STK3: variants seen among roughly 807,000 people sequenced by gnomAD.
STK3 encodes the protein serine/threonine kinase 3.
STK3 carries 41 observed loss-of-function variants against 58.0 expected under a neutral mutation model. The observed-to-expected ratio is 0.71, with a 90% confidence interval of 0.55 to 0.92. The LOEUF is 0.92. STK3 is among the 40% of genes least tolerant of loss of function. The pLI, the probability that STK3 is intolerant of heterozygous loss-of-function variation, is 0.00. For synonymous variants in STK3, 170 were observed against 191.0 expected (o/e 0.89, Z 0.91); for missense variants, 479 against 602.7 (o/e 0.79, Z 2.15).
chr8:98,742,118 C>G (rs1829267395), intron 4 of STK3, among the ~76,000 whole-genome samples: 2 of 151,802 alleles, frequency 1.3e-5, no homozygotes, highest in African/African-American at 2.4e-5. Flanking sequence ...GAGTCCAGGA[C>G]CAGATGGATT....
intron 9 of STK3, among the ~76,000 whole-genome samples, chr8:98,527,820 G>A (rs957439358): frequency 7.2e-5 from 11 of 151,992 alleles, no homozygotes; most frequent in African/African-American, 1.7e-4. Flanking sequence ...CAGACTTTGC[G>A]CCTAAGTTCC....
intron 3 of STK3, among the ~76,000 whole-genome samples, chr8:98,759,503 A>G (rs1476967711): frequency 6.6e-6 from 1 of 152,178 alleles, no homozygotes; most frequent in Admixed American, 6.5e-5. Context: ...CATAACAGAT[A>G]TAATAATAAT....
chr8:98,384,732 C>T (rs530254647), intron 1 of STK3, among the ~76,000 whole-genome samples: 74 of 152,292 alleles, frequency 4.9e-4, no homozygotes, highest in Non-Finnish European at 9.6e-4. Flanking sequence ...TCAGGGTGCC[C>T]ACCCTCCTGC....
intron 1 of STK3, among the ~76,000 whole-genome samples, chr8:98,902,015 T>G (rs1156505711): frequency 1.3e-5 from 2 of 152,132 alleles, no homozygotes; most frequent in East Asian, 1.9e-4. Context: ...CCAGAAACAT[T>G]CCACACAATT....
intron 1 of STK3, among the ~76,000 whole-genome samples, chr8:98,921,989 C>T (rs932511217): frequency 1.2e-4 from 18 of 152,294 alleles, no homozygotes; most frequent in South Asian, 2.1e-4. Context: ...CCACCACGCC[C>T]GGCCTATCAA....
rs958780235 is a variant in STK3, at chr8:98,526,623, A to C, written c.1317+119T>G. On this transcript the variant is annotated intron_variant, in intron 10 of 10. Coordinates refer to ENST00000419617, the MANE Select transcript of STK3 (RefSeq NM_006281.4). ...ATATGGCTGTATAATGAATATTAAC[A>C]TATGGTCTATAATTGTATATACATA... The C allele has an allele frequency of 7.0e-5, 56 of 800,596 alleles. No homozygotes were observed. In the East Asian group the frequency reaches 1.7e-3, roughly 25 times the overall value. 49.6% of individuals were successfully genotyped at this position (800,596 alleles called of 1,614,324 possible). A position where few individuals can be genotyped will look rare whatever the true frequency, so the allele number is the denominator to read the frequency against.
At chr8:98,633,956 C>G in intron 6 of STK3, 1 of 201,874 alleles carries the variant, frequency 5.0e-6, no homozygotes, top group Non-Finnish European at 1.1e-5. Flanking sequence ...CATACATTCA[C>G]AACTGTCAAA....
At chr8:98,379,711 G>A (rs987068854) in intron 1 of STK3, among the ~76,000 whole-genome samples, 6 of 152,244 alleles carry the variant, frequency 3.9e-5, no homozygotes, top group African/African-American at 1.4e-4. Flanking sequence ...TATTATAAAA[G>A]GCAACATGTG....
At chr8:98,477,478 T>C (rs1048733416) in intron 10 of STK3, among the ~76,000 whole-genome samples, 35 of 151,704 alleles carry the variant, frequency 2.3e-4, no homozygotes, top group Non-Finnish European at 1.0e-4. Context: ...GCACCCTCAA[T>C]GTCCGTGTTT....
At chr8:98,618,090 C>T (rs1817918859) in intron 6 of STK3, among the ~76,000 whole-genome samples, 1 of 151,626 alleles carries the variant, frequency 6.6e-6, no homozygotes, top group African/African-American at 2.4e-5. Flanking sequence ...CCGAATCCAG[C>T]AGCACATCAA....
At chr8:98,614,759 A>C (rs1196504234) in intron 6 of STK3, among the ~76,000 whole-genome samples, 1 of 152,200 alleles carries the variant, frequency 6.6e-6, no homozygotes, top group Non-Finnish European at 1.5e-5. Flanking sequence ...ACCGGCTTAA[A>C]AAACGGCGCA....
At chr8:98,508,602 T>C (rs1466542850) in intron 10 of STK3, among the ~76,000 whole-genome samples, 1 of 152,192 alleles carries the variant, frequency 6.6e-6, no homozygotes, top group Non-Finnish European at 1.5e-5. Context: ...ACCATTGAAT[T>C]ACATACTTTA....
intron 8 of STK3, among the ~76,000 whole-genome samples, chr8:98,561,053 A>G (rs1811975796): frequency 6.6e-6 from 1 of 152,106 alleles, no homozygotes; most frequent in Admixed American, 6.6e-5. Context: ...AAAGAAAAGG[A>G]AAAAGAAAAT....
intron 9 of STK3, among the ~76,000 whole-genome samples, chr8:98,540,191 C>G: frequency 6.6e-6 from 1 of 152,200 alleles, no homozygotes; most frequent in Non-Finnish European, 1.5e-5. Flanking sequence ...CAGGTGAGTT[C>G]TGGCTCCTGA....
At chr8:98,596,989 G>C (rs1815881076) in intron 6 of STK3, among the ~76,000 whole-genome samples, 1 of 152,018 alleles carries the variant, frequency 6.6e-6, no homozygotes, top group African/African-American at 2.4e-5. Context: ...GTTCAAACTA[G>C]AATAGTATCT....
intron 9 of STK3, among the ~76,000 whole-genome samples, chr8:98,540,386 A>G (rs1256483858): frequency 1.3e-5 from 2 of 152,208 alleles, no homozygotes; most frequent in Non-Finnish European, 2.9e-5. Context: ...CATACTTGTG[A>G]GGCTGGTTAT....
At chr8:98,435,416 C>A (rs1011543492) in intron 2 of STK3, among the ~76,000 whole-genome samples, 5 of 152,204 alleles carry the variant, frequency 3.3e-5, no homozygotes, top group African/African-American at 1.2e-4. Context: ...TCTGAAGAGC[C>A]TGAGCTTCAT....
At chr8:98,370,555 T>A (rs771823760), downstream of STK3, among the ~76,000 whole-genome samples, 1 of 152,080 alleles carries the variant, frequency 6.6e-6, no homozygotes, top group Non-Finnish European at 1.5e-5. Flanking sequence ...TCCCGGCTAC[T>A]CAGCAAGTGC....
At chr8:98,859,519 A>G (rs1425697925) in intron 3 of STK3, among the ~76,000 whole-genome samples, 1 of 152,226 alleles carries the variant, frequency 6.6e-6, no homozygotes, top group African/African-American at 2.4e-5. Context: ...GCTGCTTTTT[A>G]AAGATACCCC....
Sources: gnomAD v4.1 joint callset for allele counts (sites outside exome capture counted in the v4.1 genomes callset) on GRCh38, gnomAD v4.1.1 for gene constraint, MANE v1.5 for transcripts, NCBI Gene and HGNC (gene_info 2026-07-23, HGNC 2026-07-21) for gene names.